The following CENPK variants were observed in gnomAD, a reference collection of about 807,000 sequenced individuals.
CENPK encodes the protein centromere protein K.
CENPK carries 46 observed loss-of-function variants against 40.9 expected under a neutral mutation model. That is an observed-to-expected ratio of 1.13 (90% CI 0.89 to 1.44). The LOEUF is 1.44. Among genes scored for constraint, CENPK ranks in the 40% most tolerant of loss-of-function variants. The pLI is 0.00. For missense variants in CENPK, 288 were observed against 303.5 expected (o/e 0.95, Z 0.38); for synonymous variants, 107 against 104.4 (o/e 1.02, Z -0.15).
chr5:65,546,323 TATGC>T (rs1748968175), intron 5 of CENPK, among the ~76,000 whole-genome samples: 1 of 131,426 alleles, frequency 7.6e-6, no homozygotes, highest in African/African-American at 2.7e-5. Flanking sequence ...TTTTAACAAA[TATGC>T]TGTATGTGCA....
At chr5:65,552,591 T>A in intron 3 of CENPK, 42 bp from the exon 4 acceptor site, 1 of 1,272,816 alleles carries the variant, frequency 7.9e-7, no homozygotes, top group East Asian at 2.5e-5. Flanking sequence ...CACACGATAA[T>A]TCACAGAAAA....
intron 6 of CENPK, among the ~76,000 whole-genome samples, chr5:65,537,906 CAT>C (rs1234522672): frequency 1.3e-5 from 2 of 152,260 alleles, no homozygotes; most frequent in East Asian, 3.9e-4. Context: ...TGGATACATA[CAT>C]GTTTTCATTC....
chr5:65,551,488 AT>A, intron 5 of CENPK, 75 bp downstream of exon 5: 1 of 840,768 alleles, frequency 1.2e-6, no homozygotes, highest in African/African-American at 1.8e-5. Context: ...GGATCTTGTA[AT>A]TTTTCCTACA....
At chr5:65,506,112 G>A in the CENPK span, among the ~76,000 whole-genome samples, 3 of 152,054 alleles carry the variant, frequency 2.0e-5, no homozygotes, top group South Asian at 4.1e-4. Flanking sequence ...AACCAGGCAT[G>A]GTGGCCCACA....
intron 10 of CENPK, among the ~76,000 whole-genome samples, chr5:65,520,319 C>G (rs1465893878): frequency 6.6e-6 from 1 of 152,106 alleles, no homozygotes; most frequent in Non-Finnish European, 1.5e-5. Context: ...TGAGCAGATG[C>G]TAGTGTCATG....
intron 9 of CENPK, among the ~76,000 whole-genome samples, chr5:65,524,954 G>C (rs960002308): frequency 6.6e-6 from 1 of 152,116 alleles, no homozygotes; most frequent in Non-Finnish European, 1.5e-5. Flanking sequence ...TGATTCACTT[G>C]TTTCCTTTAT....
intron 2 of CENPK, among the ~76,000 whole-genome samples, chr5:65,555,584 A>T (rs1319417019): frequency 6.6e-6 from 1 of 152,240 alleles, no homozygotes; most frequent in Non-Finnish European, 1.5e-5. Flanking sequence ...GGCAGTAAGG[A>T]TAGAAGCAGG....
downstream of CENPK, among the ~76,000 whole-genome samples, chr5:65,514,791 C>T (rs1322574070): frequency 1.3e-5 from 2 of 152,110 alleles, no homozygotes; most frequent in Non-Finnish European, 2.9e-5. Context: ...TGGTAGGTTG[C>T]GTCTTTCACA....
intron 5 of CENPK, among the ~76,000 whole-genome samples, chr5:65,545,390 T>C (rs1748748719): frequency 6.8e-6 from 1 of 147,842 alleles, no homozygotes; most frequent in Non-Finnish European, 1.5e-5. Flanking sequence ...ACGCCTTCTC[T>C]ATAAAGCAAA....
chr5:65,528,449 T>A lies in CENPK; in HGVS notation c.597+3A>T, dbSNP rs774913472. The stretch of plus-strand genomic sequence containing the variant: ...TTACATAAATGTCTTCTCTAAAACT[T>A]ACCTTTTTCTTTTTAACACTTCTAT... On this transcript the variant is annotated splice_donor_region_variant and intron_variant, in intron 9 of 10. Transcript: ENST00000396679. 8.8e-6 allele frequency: 14 copies of A among 1,586,666 alleles called. No homozygotes were observed. Among genetic ancestry groups the A allele is most frequent in the Non-Finnish European group, 1.1e-5 (13 of 1,172,888 alleles).
chr5:65,540,352 C>T (rs1344232299), intron 6 of CENPK, among the ~76,000 whole-genome samples: 1 of 152,156 alleles, frequency 6.6e-6, no homozygotes, highest in East Asian at 1.9e-4. Flanking sequence ...CTCTCTGCCT[C>T]TTTATAATAA....
At chr5:65,527,970 G>A (rs1356642816) in intron 9 of CENPK, among the ~76,000 whole-genome samples, 1 of 152,158 alleles carries the variant, frequency 6.6e-6, no homozygotes, top group African/African-American at 2.4e-5. Context: ...GCTCACACCT[G>A]TAATCCTAGC....
rs139711470 is a variant in CENPK, at chr5:65,532,164, A to C, written c.289-2965T>G. ...ATGAATAAATTCTTTGAGAGACATA[A>C]ACTACCAAAGCTCATTTAGACAAAT... On this transcript the variant is annotated intron_variant, in intron 6 of 10. Coordinates refer to ENST00000396679, the MANE Select transcript of CENPK (RefSeq NM_022145.5). Among the ~76,000 whole-genome samples, 510 of 152,274 alleles carry C rather than the reference A, an allele frequency of 3.3e-3. 4 individuals are homozygous for C. Among genetic ancestry groups the C allele is most frequent in the African/African-American group, 0.012 (490 of 41,552 alleles).
the CENPK span, among the ~76,000 whole-genome samples, chr5:65,504,331 C>T: frequency 1.3e-5 from 2 of 151,622 alleles, no homozygotes; most frequent in Non-Finnish European, 2.9e-5. Context: ...TGGCACATGC[C>T]TGTAATCCCA....
At chr5:65,517,425 T>C (rs964748676), downstream of CENPK, among the ~76,000 whole-genome samples, 1 of 152,090 alleles carries the variant, frequency 6.6e-6, no homozygotes, top group African/African-American at 2.4e-5. Flanking sequence ...TGCAGTATTC[T>C]AGGAGGTACT....
chr5:65,509,731 T>C, the CENPK span, among the ~76,000 whole-genome samples: 2 of 152,248 alleles, frequency 1.3e-5, no homozygotes, highest in Non-Finnish European at 1.5e-5. Flanking sequence ...TTGTCTGTTG[T>C]ACAAATGGAA....
chr5:65,554,653 C>T lies in CENPK; in HGVS notation c.111+144G>A, dbSNP rs1750687230. On this transcript the variant is annotated intron_variant, in intron 3 of 10. Coordinates refer to ENST00000396679, the MANE Select transcript of CENPK (RefSeq NM_022145.5). ...TAGTGTAAAGTTTCTTGAATGAATGCTGATAGGTCTAAAAGCTATATAAAT... is the reference window on the plus strand; with the variant it reads ...TAGTGTAAAGTTTCTTGAATGAATGTTGATAGGTCTAAAAGCTATATAAAT... 5 of 586,316 alleles carry T rather than the reference C, an allele frequency of 8.5e-6. No homozygotes were observed. The East Asian group carries it at 1.2e-4, about 14-fold the overall frequency. The allele number at this position is 586,316 out of a possible 1,614,324, so 36.3% of individuals were successfully genotyped here. A position where few individuals can be genotyped will look rare whatever the true frequency, so the allele number is the denominator to read the frequency against.
chr5:65,518,413 C>T lies in CENPK; in HGVS notation c.*62G>A. 1 of 1,503,360 alleles carries T rather than the reference C, an allele frequency of 6.7e-7. No homozygotes were observed. The highest frequency in any genetic ancestry group is 9.1e-7 in the Non-Finnish European group (1 of 1,102,290). The allele number at this position is 1,503,360 out of a possible 1,614,324, so 93.1% of individuals were successfully genotyped here. A position where few individuals can be genotyped will look rare whatever the true frequency, so the allele number is the denominator to read the frequency against. The stretch of plus-strand genomic sequence containing the variant: ...AATAATGTTTTTTATCCAAATAGTC[C>T]TGTGGTTCCAATATCCTTGAATGAT... On this transcript the variant is annotated 3_prime_UTR_variant, in exon 11 of 11. Coordinates refer to ENST00000396679, the MANE Select transcript of CENPK (RefSeq NM_022145.5).
At chr5:65,501,547 G>A in the CENPK span, among the ~76,000 whole-genome samples, 8 of 151,944 alleles carry the variant, frequency 5.3e-5, no homozygotes, top group Non-Finnish European at 1.0e-4. Context: ...CTAGTTCTTC[G>A]GGCATGTATT....
Sources: allele counts gnomAD v4.1 joint callset (sites outside exome capture counted in the v4.1 genomes callset), GRCh38; gene constraint gnomAD v4.1.1; transcripts MANE v1.5; gene names NCBI Gene and HGNC (gene_info 2026-07-23, HGNC 2026-07-21).